The following ZBTB45 variants were observed in gnomAD, a reference collection of about 807,000 sequenced individuals.
ZBTB45 encodes the protein zinc finger and BTB domain containing 45, also known as zinc finger and BTB domain-containing protein 45.
ZBTB45 carries 22 observed loss-of-function variants against 28.4 expected under a neutral mutation model. That is an observed-to-expected ratio of 0.77 (90% confidence interval 0.55 to 1.10). The LOEUF (loss-of-function observed/expected upper bound fraction) is 1.10. Ranked by LOEUF, ZBTB45 falls within the 50% of genes least tolerant of loss-of-function variation. The pLI, the probability that ZBTB45 is intolerant of heterozygous loss-of-function variation, is 0.00. For missense variants in ZBTB45, 656 were observed against 750.2 expected, an observed-to-expected ratio of 0.87 and a Z score of 1.47; for synonymous variants, 361 against 332.3, an observed-to-expected ratio of 1.09 and a Z score of -0.94.
At chr19:58,538,799 C>G (rs1255151527) in exon 1 of ZBTB45, 1 of 152,340 alleles carries the variant, frequency 6.6e-6, no homozygotes, top group Non-Finnish European at 1.5e-5. Flanking sequence ...TACCCCGCCC[C>G]CAGCCGTTGT....
intron 2 of ZBTB45, among the ~76,000 whole-genome samples, chr19:58,514,985 G>A (rs1292614682): frequency 6.6e-6 from 1 of 152,172 alleles, no homozygotes; most frequent in Non-Finnish European, 1.5e-5. Context: ...GGTTAGGGGA[G>A]GGGAGGCAGT....
rs1045980723 is a variant in ZBTB45, at chr19:58,528,454, C to G, written c.-1+10247G>C. Among the ~76,000 whole-genome samples, 7 of 146,738 alleles carry G rather than the reference C, an allele frequency of 4.8e-5. No individual in the cohort carries two copies. In the East Asian group the frequency reaches 1.2e-3, roughly 25 times the overall value. ...CTCCAGCCTGGACGACAGAGCAAGA[C>G]TAGTTCTCAAAAAAAAAAAAAAAGT... On this transcript the variant is annotated intron_variant, in intron 1 of 1. Transcript: ENST00000600130.
rs2053519920 is a variant in ZBTB45 at position 58,517,227 on chromosome 19, C to A, written c.447G>T (p.Leu149=). 1.9e-6 allele frequency: 3 copies of A among 1,598,724 alleles called. No individual in the cohort carries two copies. The highest frequency in any genetic ancestry group is 2.2e-5 in the South Asian group (2 of 90,162). The stretch of plus-strand genomic sequence containing the variant: ...CCAGCAGGTGGCGCAGGCGGTGACG[C>A]AGCTGCGCAGGTGCGAGTGGCGGGG... ...PVPPPLAPAQ[L]RHRLRHLLAA... Residue 149 remains leucine, a synonymous_variant, in exon 2 of 3, where the codon CTG becomes CTT. Coordinates refer to ENST00000594051, the MANE Select transcript of ZBTB45 (RefSeq NM_001316979.2).
chr19:58,524,321 C>T (rs972353514), upstream of ZBTB45, among the ~76,000 whole-genome samples: 35 of 151,276 alleles, frequency 2.3e-4, no homozygotes, highest in Non-Finnish European at 1.2e-4. Context: ...GCCGAGATCG[C>T]GCCACTGCAC....
In ZBTB45 at chr19:58,516,464, C is replaced by G. The variant is rs2053495509; in HGVS notation, c.1210G>C (p.Glu404Gln). ...AACGTCTTGCGACAGTGGCTGCACT[C>G]ATACGTAGGTGGCTCAGCACCTGGG... ...RTPGAEPPTY[E>Q]CSHCRKTFSS... The change falls in exon 2 of 3, where the codon GAG (glutamate) becomes CAG (glutamine). Residue 404 changes from glutamate (E) to glutamine (Q), a missense_variant. Coordinates refer to ENST00000594051, the MANE Select transcript of ZBTB45 (RefSeq NM_001316979.2). The surrounding 1 kb of genome is among the most constrained non-coding windows in gnomAD (Gnocchi z 6.2). 1 of 1,613,826 alleles carries G rather than the reference C, an allele frequency of 6.2e-7. No homozygotes were observed. Among genetic ancestry groups the G allele is most frequent in the Admixed American group, 1.7e-5 (1 of 59,982 alleles).
chr19:58,518,379 C>A (rs1225423642), intron 1 of ZBTB45, among the ~76,000 whole-genome samples: 1 of 152,160 alleles, frequency 6.6e-6, no homozygotes, highest in Non-Finnish European at 1.5e-5. Flanking sequence ...AAAGGTTGGG[C>A]AGTACCTTGG....
In ZBTB45 at chr19:58,516,373, C is replaced by G; in HGVS notation, c.1279+22G>C. ...ACTCTCCGATGAGAGATTGCTCCCT[C>G]TCCTCCCCCGCCCTGGCTCACCCGA... On this transcript the variant is annotated intron_variant, in intron 2 of 2. Coordinates refer to ENST00000594051, the MANE Select transcript of ZBTB45 (RefSeq NM_001316979.2). The surrounding 1 kb of genome is among the most constrained non-coding windows in gnomAD (Gnocchi z 6.2). 1 of 1,613,736 alleles carries G rather than the reference C, an allele frequency of 6.2e-7. No individual in the cohort carries two copies. Among genetic ancestry groups the G allele is most frequent in the Non-Finnish European group, 8.5e-7 (1 of 1,179,750 alleles).
At chr19:58,524,231 G>C (rs1401709104), upstream of ZBTB45, among the ~76,000 whole-genome samples, 8 of 150,018 alleles carry the variant, frequency 5.3e-5, no homozygotes, top group African/African-American at 1.5e-4. Flanking sequence ...GCGTGGTGGT[G>C]GTGGGCCCCT....
rs757107118 is a variant in ZBTB45, at chr19:58,515,852, C to T, written c.1279+543G>A. Among the ~76,000 whole-genome samples the T allele has an allele frequency of 3.4e-4, 52 of 152,150 alleles. No homozygotes were observed. Among genetic ancestry groups the T allele is most frequent in the Non-Finnish European group, 5.7e-4 (39 of 68,014 alleles). On this transcript the variant is annotated intron_variant, in intron 2 of 2. Coordinates refer to ENST00000594051, the MANE Select transcript of ZBTB45 (RefSeq NM_001316979.2). This position sits in a 1 kb window ranked among gnomAD's most constrained non-coding sequence, Gnocchi z 4.7. The stretch of plus-strand genomic sequence containing the variant: ...CCGAGGGAACCTCCCCACAGCTTTT[C>T]GGGGTCCTCTGCAGCTGTGGAGTCC...
chr19:58,535,930 A>G (rs2053657554), intron 1 of ZBTB45, among the ~76,000 whole-genome samples: 1 of 152,188 alleles, frequency 6.6e-6, no homozygotes, highest in African/African-American at 2.4e-5. Context: ...AGAGCCAAGA[A>G]GAGAGCCCAG....
Position 58,515,037 on chromosome 19 carries a change from T to C in ZBTB45, c.1280-727A>G, listed in dbSNP as rs746155188. 6.6e-5 allele frequency among the ~76,000 whole-genome samples: 10 copies of C among 152,158 alleles called. No homozygotes were observed. Among genetic ancestry groups the C allele is most frequent in the Non-Finnish European group, 1.2e-4 (8 of 68,022 alleles). On this transcript the variant is annotated intron_variant, in intron 2 of 2. Transcript: ENST00000594051. The surrounding 1 kb of genome is among the most constrained non-coding windows in gnomAD (Gnocchi z 4.7). ...ATTCATCAGATGTTAACAAAATGCC[T>C]GTCTCAGCCAGGCGTGGTGGCTCAC...
At chr19:58,536,870 C>T (rs1292593219) in intron 1 of ZBTB45, among the ~76,000 whole-genome samples, 4 of 152,132 alleles carry the variant, frequency 2.6e-5, no homozygotes, top group Admixed American at 6.5e-5. Context: ...CATATTGCTA[C>T]ACCTGTCTTA....
intron 1 of ZBTB45, among the ~76,000 whole-genome samples, chr19:58,535,733 C>T (rs2053656618): frequency 6.6e-6 from 1 of 152,202 alleles, no homozygotes; most frequent in Non-Finnish European, 1.5e-5. Flanking sequence ...TACCAAATCT[C>T]ATGTTATGGT....
chr19:58,528,891 C>T (rs371913015), intron 1 of ZBTB45, among the ~76,000 whole-genome samples: 14 of 148,746 alleles, frequency 9.4e-5, no homozygotes, highest in East Asian at 5.9e-4. Context: ...GAGACTCTGT[C>T]TCAAAAAATA....
In ZBTB45 at chr19:58,514,322, A is replaced by G; in HGVS notation, c.1280-12T>C. ...GTGCGGCTTCTCCCCTGCGGAAGAC[A>G]GGGCGGGCCGCGAACGCAAGTCAGA... On this transcript the variant is annotated splice_polypyrimidine_tract_variant and intron_variant, in intron 2 of 2. Coordinates refer to ENST00000594051, the MANE Select transcript of ZBTB45 (RefSeq NM_001316979.2). The G allele has an allele frequency of 6.3e-7, 1 of 1,587,484 alleles. No individual in the cohort carries two copies. The highest frequency in any genetic ancestry group is 8.6e-7 in the Non-Finnish European group (1 of 1,162,662).
chr19:58,517,449 C>A lies in ZBTB45; in HGVS notation c.225G>T (p.Val75=). ...CCAGCTGTCGCACTGTCTGCGCGGGCACCACCGGAGGCACACGGATCTCAG... is the reference window on the plus strand; with the variant it reads ...CCAGCTGTCGCACTGTCTGCGCGGGAACCACCGGAGGCACACGGATCTCAG... ...GHSEIRVPPV[V]PAQTVRQLVE... The change falls in exon 2 of 3, where the codon GTG becomes GTT. Residue 75 remains valine, a synonymous_variant. Transcript: ENST00000594051. The A allele has an allele frequency of 6.2e-7, 1 of 1,612,984 alleles. No homozygotes were observed. The highest frequency in any genetic ancestry group is 1.3e-5 in the African/African-American group (1 of 75,032).
intron 1 of ZBTB45, among the ~76,000 whole-genome samples, chr19:58,526,489 C>T (rs1028400720): frequency 4.7e-5 from 7 of 149,990 alleles, no homozygotes; most frequent in Non-Finnish European, 1.0e-4. Context: ...GGATTACAGG[C>T]GTGAGCCACC....
upstream of ZBTB45, among the ~76,000 whole-genome samples, chr19:58,522,138 C>G (rs2053582102): frequency 6.7e-6 from 1 of 149,096 alleles, no homozygotes; most frequent in Non-Finnish European, 1.5e-5. Context: ...GCCTGGACAA[C>G]ATGGTGAAAC....
chr19:58,516,867 C>G lies in ZBTB45; in HGVS notation c.807G>C (p.Gly269=). The G allele has an allele frequency of 6.2e-7, 1 of 1,613,464 alleles. No homozygotes were observed. The highest frequency in any genetic ancestry group is 1.3e-5 in the African/African-American group (1 of 75,044). Residue 269 remains glycine, a synonymous_variant, in exon 2 of 3, where the codon GGG becomes GGC. Coordinates refer to ENST00000594051, the MANE Select transcript of ZBTB45 (RefSeq NM_001316979.2). This position sits in a 1 kb window ranked among gnomAD's most constrained non-coding sequence, Gnocchi z 6.2. Reference sequence around the variant, plus strand: ...ACCCAGCTCCCCGAAGAAAATCTCTCCCGGCACCACTGTAGTCAGCGAGGC... The same window carrying G: ...ACCCAGCTCCCCGAAGAAAATCTCTGCCGGCACCACTGTAGTCAGCGAGGC... ...PTGLADYSGA[G]RDFLRGAGSA...
Sources: gnomAD v4.1 joint callset for allele counts (sites outside exome capture counted in the v4.1 genomes callset) on GRCh38, gnomAD v4.1.1 for gene constraint, Gnocchi (gnomAD v3.1) non-coding constraint, MANE v1.5 for transcripts, NCBI Gene and HGNC (gene_info 2026-07-23, HGNC 2026-07-21) for gene names.